Variants in DIP2B observed in about 807,000 individuals in gnomAD.
DIP2B encodes disco-interacting protein 2 homolog B.
In DIP2B, 76 loss-of-function variants were observed where a neutral mutation model predicts 198.0. The ratio of observed to expected loss-of-function variants is 0.38; its 90% CI spans 0.32 to 0.46. DIP2B has a LOEUF of 0.46. Ranked by LOEUF, DIP2B falls within the 20% of genes least tolerant of loss-of-function variation. The pLI is 0.99. For missense variants in DIP2B, 1,559 were observed against 1,978.4 expected (o/e 0.79, Z 4.02); for synonymous variants, 701 against 739.1 (o/e 0.95, Z 0.84).
chr12:50,698,965 T>C, intron 18 of DIP2B, 101 bp from the exon 19 acceptor site: 1 of 1,342,930 alleles, frequency 7.4e-7, no homozygotes, highest in Non-Finnish European at 1.0e-6. Flanking sequence ...TTAATGCCAC[T>C]CAGTAAAGGC....
intron 1 of DIP2B, among the ~76,000 whole-genome samples, chr12:50,533,184 T>G (rs998263131): frequency 3.3e-5 from 5 of 152,216 alleles, no homozygotes; most frequent in Non-Finnish European, 7.3e-5. Context: ...TAATTAGCAG[T>G]TGTTTAGTAA....
intron 4 of DIP2B, among the ~76,000 whole-genome samples, chr12:50,667,617 T>C (rs1041522290): frequency 1.3e-5 from 2 of 152,198 alleles, no homozygotes; most frequent in African/African-American, 4.8e-5. Flanking sequence ...TCTGTGACCA[T>C]AGGTTGAGTT....
intron 1 of DIP2B, among the ~76,000 whole-genome samples, chr12:50,522,546 T>C (rs546827479): frequency 1.3e-5 from 2 of 152,198 alleles, no homozygotes; most frequent in African/African-American, 4.8e-5. Context: ...TGGGGGAAAC[T>C]AGAGTACCTG....
rs1939368789 is a variant in DIP2B at position 50,699,009 on chromosome 12, AT to A, written c.2189-53del. On this transcript the variant is annotated intron_variant, in intron 18 of 37. Transcript: ENST00000301180. ...CTTGGGTTCACAGGATGAAGCTGTT[AT>A]TTTACAAAAGTTTTCTAGAATCTTT... 4 of 1,592,152 alleles carry A rather than the reference AT, an allele frequency of 2.5e-6. No individual in the cohort carries two copies. In the East Asian group the frequency reaches 9.0e-5, roughly 36 times the overall value.
intron 10 of DIP2B, 61 bp downstream of exon 10, chr12:50,683,309 T>G: frequency 2.2e-6 from 3 of 1,378,356 alleles, no homozygotes; most frequent in Non-Finnish European, 3.0e-6. Context: ...ATTGGGTTCT[T>G]GGATAGATGT....
intron 22 of DIP2B, among the ~76,000 whole-genome samples, chr12:50,713,637 T>G (rs1234126147): frequency 6.6e-6 from 1 of 152,214 alleles, no homozygotes; most frequent in East Asian, 1.9e-4. Context: ...GGTGAATCAC[T>G]TAAGTGGGGG....
chr12:50,643,863 T>C (rs1478755447), intron 3 of DIP2B, among the ~76,000 whole-genome samples: 11 of 152,176 alleles, frequency 7.2e-5, no homozygotes, highest in African/African-American at 2.7e-4. Flanking sequence ...ATCTGTTTGC[T>C]ACGCCAGTCA....
intron 1 of DIP2B, among the ~76,000 whole-genome samples, chr12:50,542,962 A>G (rs1377884216): frequency 6.6e-6 from 1 of 150,872 alleles, no homozygotes; most frequent in Non-Finnish European, 1.5e-5. Context: ...CTGCTTCCCA[A>G]CCTCAAGCTA....
chr12:50,567,620 C>T (rs750542467), intron 1 of DIP2B, among the ~76,000 whole-genome samples: 1 of 152,112 alleles, frequency 6.6e-6, no homozygotes, highest in Non-Finnish European at 1.5e-5. Context: ...CTTTACCACC[C>T]GGGTTCAAGC....
At chr12:50,536,077 T>A (rs1308799617) in intron 1 of DIP2B, among the ~76,000 whole-genome samples, 1 of 151,670 alleles carries the variant, frequency 6.6e-6, no homozygotes, top group Non-Finnish European at 1.5e-5. Flanking sequence ...ATGTGCCACA[T>A]TTTCTTAATC....
intron 35 of DIP2B, among the ~76,000 whole-genome samples, chr12:50,738,584 A>G (rs1375974918): frequency 6.6e-6 from 1 of 152,066 alleles, no homozygotes; most frequent in African/African-American, 2.4e-5. Context: ...CCCCAGTTCA[A>G]GTGATTCTCC....
chr12:50,617,663 C>A (rs1937724918), intron 1 of DIP2B, among the ~76,000 whole-genome samples: 1 of 151,918 alleles, frequency 6.6e-6, no homozygotes, highest in African/African-American at 2.4e-5. Flanking sequence ...ACAAAAATTA[C>A]CCGGCAGTGG....
At chr12:50,566,929 G>A (rs1163987689) in intron 1 of DIP2B, among the ~76,000 whole-genome samples, 2 of 136,914 alleles carry the variant, frequency 1.5e-5, no homozygotes, top group East Asian at 2.2e-4. Context: ...CCGAGATCGC[G>A]CCACTGCACT....
chr12:50,570,945 A>G (rs1319753994), intron 1 of DIP2B, among the ~76,000 whole-genome samples: 1 of 152,192 alleles, frequency 6.6e-6, no homozygotes, highest in Non-Finnish European at 1.5e-5. Flanking sequence ...TTTAGCAGAT[A>G]TTAAATGTAG....
intron 1 of DIP2B, among the ~76,000 whole-genome samples, chr12:50,605,943 T>C (rs1374394919): frequency 1.3e-5 from 2 of 152,164 alleles, no homozygotes; most frequent in African/African-American, 2.4e-5. Context: ...TAACTCAGCC[T>C]CCAGAGTAGC....
intron 9 of DIP2B, among the ~76,000 whole-genome samples, chr12:50,681,219 C>T (rs574795731): frequency 1.3e-3 from 192 of 152,190 alleles, no homozygotes; most frequent in African/African-American, 4.5e-3. Context: ...TCACTTGAAG[C>T]CAGGAGTTTT....
chr12:50,521,820 A>AT (rs1417129911), intron 1 of DIP2B, among the ~76,000 whole-genome samples: 3 of 150,990 alleles, frequency 2.0e-5, no homozygotes, highest in African/African-American at 7.3e-5. Context: ...TAATTTTTGT[A>AT]TTTTTTGTAG....
At chr12:50,611,496 T>C (rs955067291) in intron 1 of DIP2B, among the ~76,000 whole-genome samples, 8 of 152,186 alleles carry the variant, frequency 5.3e-5, no homozygotes, top group African/African-American at 9.6e-5. Flanking sequence ...ATTTAATCTT[T>C]AAAAATAGTA....
chr12:50,528,435 C>CAA (rs937114660), intron 1 of DIP2B, among the ~76,000 whole-genome samples: 1 of 129,954 alleles, frequency 7.7e-6, no homozygotes, highest in African/African-American at 2.9e-5. Context: ...ACCTGCTTTC[C>CAA]AAAAAAAAAA....
Sources: gnomAD v4.1 joint callset for allele counts (sites outside exome capture counted in the v4.1 genomes callset) on GRCh38, gnomAD v4.1.1 for gene constraint, MANE v1.5 for transcripts, NCBI Gene and HGNC (gene_info 2026-07-23, HGNC 2026-07-21) for gene names.